Variants in LEF1 observed in about 807,000 individuals in gnomAD.
LEF1 encodes the protein lymphoid enhancer-binding factor 1.
A neutral mutation model predicts 51.2 loss-of-function variants in LEF1; 14 were observed. The observed-to-expected ratio is 0.27, with a 90% confidence interval of 0.18 to 0.43. LEF1 has a LOEUF of 0.43. Ranked by LOEUF, LEF1 falls within the 20% of genes least tolerant of loss-of-function variation. The probability of loss-of-function intolerance (pLI) is 1.00; values close to 1 mark genes in which losing one functional copy is unlikely to be tolerated. For missense variants in LEF1, 386 were observed against 512.0 expected (o/e 0.75, Z 2.37); for synonymous variants, 185 against 183.2 (o/e 1.01, Z -0.08).
intron 3 of LEF1, among the ~76,000 whole-genome samples, chr4:108,130,045 T>G (rs1742775302): frequency 1.3e-5 from 2 of 152,190 alleles, no homozygotes; most frequent in East Asian, 3.9e-4. Context: ...CATTTTTCAT[T>G]TCTTTTCTTC....
chr4:108,126,023 G>C (rs1440186521), intron 3 of LEF1, among the ~76,000 whole-genome samples: 5 of 152,118 alleles, frequency 3.3e-5, no homozygotes, highest in Admixed American at 3.3e-4. Context: ...TACTGGAATA[G>C]GGAATTTTTT....
intron 11 of LEF1, among the ~76,000 whole-genome samples, chr4:108,062,413 T>C (rs912132571): frequency 6.6e-6 from 1 of 152,098 alleles, no homozygotes; most frequent in African/African-American, 2.4e-5. Context: ...CCTCTTGCCA[T>C]GTGGGGAACT....
At chr4:108,117,210 C>G (rs532116071) in intron 3 of LEF1, among the ~76,000 whole-genome samples, 4 of 151,838 alleles carry the variant, frequency 2.6e-5, no homozygotes, top group African/African-American at 9.7e-5. Context: ...AAATTTCTTC[C>G]TAATTTTTCT....
chr4:108,079,922 CA>C (rs2126287530), intron 6 of LEF1, among the ~76,000 whole-genome samples: 1 of 152,164 alleles, frequency 6.6e-6, no homozygotes, highest in South Asian at 2.1e-4. Context: ...TAAATGAAAG[CA>C]AAACACATCA....
chr4:108,081,561 C>G lies in LEF1; in HGVS notation c.722+25G>C, dbSNP rs770337374. On this transcript the variant is annotated intron_variant, in intron 6 of 11. Coordinates refer to ENST00000265165, the MANE Select transcript of LEF1 (RefSeq NM_016269.5). ...ACGAGAAGAGCAACTTGTCCTCGAG[C>G]GCCCCAGTTTCCACCTCCACCTACC... 1.9e-6 allele frequency: 3 copies of G among 1,589,000 alleles called. No individual in the cohort carries two copies. The African/African-American group carries it at 4.0e-5, about 21-fold the overall frequency.
intron 3 of LEF1, among the ~76,000 whole-genome samples, chr4:108,142,880 C>T (rs1218046049): frequency 6.6e-6 from 1 of 152,136 alleles, no homozygotes; most frequent in Admixed American, 6.5e-5. Flanking sequence ...AAATAAAATG[C>T]ATCTCGTTTA....
At chr4:108,092,939 A>AAAAAAAAAAAAAAAAAAAAAAAAC (rs1553952202) in intron 3 of LEF1, among the ~76,000 whole-genome samples, 4 of 90,670 alleles carry the variant, frequency 4.4e-5, no homozygotes, top group Admixed American at 1.4e-4. Flanking sequence ...AAAAAAAAAA[A>AAAAAAAAAAAAAAAAAAAAAAAAC]AAAAAAAAAA....
intron 3 of LEF1, among the ~76,000 whole-genome samples, chr4:108,112,986 A>G (rs1417497816): frequency 1.3e-5 from 2 of 152,216 alleles, no homozygotes; most frequent in Non-Finnish European, 2.9e-5. Context: ...CTGTTGGAGG[A>G]AAAACAACAT....
chr4:108,150,446 T>C (rs868293655), intron 3 of LEF1, among the ~76,000 whole-genome samples: 13 of 152,314 alleles, frequency 8.5e-5, no homozygotes, highest in Admixed American at 4.6e-4. Flanking sequence ...CAATATTTCC[T>C]GGGAATTTTC....
At chr4:108,104,629 T>C (rs894057080) in intron 3 of LEF1, 4 of 940,936 alleles carry the variant, frequency 4.3e-6, no homozygotes, top group Non-Finnish European at 3.8e-6. Flanking sequence ...CGACATATTG[T>C]ATATGTTTAG....
At chr4:108,076,005 A>G (rs1459745050) in intron 8 of LEF1, among the ~76,000 whole-genome samples, 1 of 124,206 alleles carries the variant, frequency 8.1e-6, no homozygotes. Context: ...ACGGTCCCCC[A>G]AAGGCCTTGC....
intron 3 of LEF1, among the ~76,000 whole-genome samples, chr4:108,126,330 A>C (rs181293495): frequency 7.9e-5 from 12 of 152,284 alleles, no homozygotes; most frequent in Admixed American, 5.9e-4. Context: ...CTGATTACAG[A>C]ATTTGATCTT....
intron 8 of LEF1, chr4:108,071,571 A>G (rs983626336): frequency 2.6e-5 from 4 of 152,240 alleles, no homozygotes. Context: ...AGCACATATA[A>G]CAAAGTCATT....
At chr4:108,091,998 C>A (rs965616603) in intron 3 of LEF1, among the ~76,000 whole-genome samples, 4 of 152,174 alleles carry the variant, frequency 2.6e-5, no homozygotes, top group African/African-American at 9.7e-5. Context: ...TGGAAATCTT[C>A]TGGATATATT....
chr4:108,086,103 T>C (rs1027607691), intron 4 of LEF1, among the ~76,000 whole-genome samples: 1 of 152,266 alleles, frequency 6.6e-6, no homozygotes, highest in Non-Finnish European at 1.5e-5. Flanking sequence ...TAGGTCATTA[T>C]GTGAGCAGAA....
In LEF1 at chr4:108,073,072, C is replaced by A. The variant is rs534361930; in HGVS notation, c.1009-2302G>T. 8.5e-5 allele frequency among the ~76,000 whole-genome samples: 13 copies of A among 152,268 alleles called. 1 individual carries two copies. The East Asian group carries it at 2.5e-3, about 29-fold the overall frequency. On this transcript the variant is annotated intron_variant, in intron 8 of 11. Transcript: ENST00000265165. Reference sequence around the variant, plus strand: ...GAATACATTACCAGGCCTGGCTAATCCTTGATTTTGTAAAAGAAAAGCAAT... The same window carrying A: ...GAATACATTACCAGGCCTGGCTAATACTTGATTTTGTAAAAGAAAAGCAAT...
At chr4:108,139,404 G>A (rs1448337226) in intron 3 of LEF1, among the ~76,000 whole-genome samples, 1 of 152,206 alleles carries the variant, frequency 6.6e-6, no homozygotes, top group Admixed American at 6.5e-5. Flanking sequence ...TAAATAGCAT[G>A]GCATCTACAT....
rs1242951072 is a variant in LEF1 at position 108,081,591 on chromosome 4, C to T, written c.717G>A (p.Met239Ile). Reference sequence around the variant, plus strand: ...CAGTTTCCACCTCCACCTACCTGGACATGGAAGTGTCGACTGACAGTGAGG... The same window carrying T: ...CAGTTTCCACCTCCACCTACCTGGATATGGAAGTGTCGACTGACAGTGAGG... ...YPSSLSVDTS[M>I]SRFSHHMIPG... The change falls in exon 6 of 12, where the codon ATG (methionine) becomes ATA (isoleucine). Residue 239 changes from methionine (M) to isoleucine (I), a missense_variant. Coordinates refer to ENST00000265165, the MANE Select transcript of LEF1 (RefSeq NM_016269.5). 2 of 1,613,574 alleles carry T rather than the reference C, an allele frequency of 1.2e-6. No individual in the cohort carries two copies. Among genetic ancestry groups the T allele is most frequent in the Non-Finnish European group, 1.7e-6 (2 of 1,179,578 alleles).
At chr4:108,050,492 T>A (rs1350760391) in intron 11 of LEF1, among the ~76,000 whole-genome samples, 2 of 152,014 alleles carry the variant, frequency 1.3e-5, no homozygotes, top group Admixed American at 6.6e-5. Flanking sequence ...CGCAGGAGGA[T>A]CAAAGAGCTA....
Sources: allele counts gnomAD v4.1 joint callset (sites outside exome capture counted in the v4.1 genomes callset), GRCh38; gene constraint gnomAD v4.1.1; transcripts MANE v1.5; gene names NCBI Gene and HGNC (gene_info 2026-07-23, HGNC 2026-07-21).